RBMS1: variants seen among roughly 807,000 people sequenced by gnomAD.
RBMS1 encodes the protein RNA-binding motif, single-stranded-interacting protein 1.
A neutral mutation model predicts 62.3 loss-of-function variants in RBMS1; 17 were observed. The observed-to-expected ratio is 0.27, with a 90% CI of 0.19 to 0.41. The LOEUF is 0.41. RBMS1 is among the 10% of genes least tolerant of loss of function. RBMS1 has a pLI of 1.00. For synonymous variants in RBMS1, 172 were observed against 170.0 expected, an observed-to-expected ratio of 1.01 and a Z score of -0.09; for missense variants, 334 against 504.5, an observed-to-expected ratio of 0.66 and a Z score of 3.24.
rs539980978 is a variant in RBMS1 at position 160,355,420 on chromosome 2, G to T, written c.251+11796C>A. ...CCTGAGAGTAGATGAGAATTTCCAGGTAAGAATAAAAACAAACTCTTTCTC... is the reference window on the plus strand; with the variant it reads ...CCTGAGAGTAGATGAGAATTTCCAGTTAAGAATAAAAACAAACTCTTTCTC... On this transcript the variant is annotated intron_variant, in intron 2 of 13. Coordinates refer to ENST00000348849, the MANE Select transcript of RBMS1 (RefSeq NM_016836.4). Among the ~76,000 whole-genome samples, 6 of 152,128 alleles carry T rather than the reference G, an allele frequency of 3.9e-5. No individual in the cohort carries two copies. The South Asian group carries it at 1.0e-3, about 26-fold the overall frequency.
chr2:160,391,727 C>T (rs1694873565), intron 1 of RBMS1, among the ~76,000 whole-genome samples: 1 of 152,152 alleles, frequency 6.6e-6, no homozygotes, highest in Admixed American at 6.5e-5. Flanking sequence ...CCTGTAATCC[C>T]AGCACTTTGG....
chr2:160,367,062 A>T, intron 2 of RBMS1, 154 bp downstream of exon 2: 2 of 615,250 alleles, frequency 3.3e-6, no homozygotes, highest in Non-Finnish European at 5.2e-6. Flanking sequence ...AAAAGTATTT[A>T]AGAAGTTAAA....
chr2:160,372,929 C>T (rs555333637), intron 1 of RBMS1, among the ~76,000 whole-genome samples: 3 of 152,228 alleles, frequency 2.0e-5, no homozygotes, highest in African/African-American at 7.2e-5. Context: ...CCCCTTTACA[C>T]AGCCAGTGTG....
chr2:160,348,804 G>A (rs1692325659), intron 2 of RBMS1, among the ~76,000 whole-genome samples: 1 of 152,128 alleles, frequency 6.6e-6, no homozygotes, highest in Non-Finnish European at 1.5e-5. Flanking sequence ...CTATTGCTTT[G>A]AAAATTGACG....
intron 2 of RBMS1, among the ~76,000 whole-genome samples, chr2:160,343,365 C>T (rs939723328): frequency 6.6e-6 from 1 of 152,184 alleles, no homozygotes; most frequent in African/African-American, 2.4e-5. Context: ...AAATGACAGA[C>T]TGATTTTAGT....
At chr2:160,367,016 A>G (rs532029516) in intron 2 of RBMS1, 200 bp downstream of exon 2, 160 of 400,128 alleles carry the variant, frequency 4.0e-4, no homozygotes, top group African/African-American at 2.8e-3. Flanking sequence ...ATTCATTTTG[A>G]TATGTAGCCA....
At chr2:160,323,155 C>T in intron 2 of RBMS1, among the ~76,000 whole-genome samples, 1 of 148,770 alleles carries the variant, frequency 6.7e-6, no homozygotes, top group East Asian at 2.0e-4. Context: ...CCCCTTGCTC[C>T]TATCTGTAGC....
chr2:160,298,847 T>G (rs147405687), intron 6 of RBMS1, among the ~76,000 whole-genome samples: 166 of 152,158 alleles, frequency 1.1e-3, no homozygotes, highest in African/African-American at 3.8e-3. Flanking sequence ...GCGGTCTTCC[T>G]AAGAAAGGGA....
At chr2:160,476,269 C>T (rs1427835946) in intron 1 of RBMS1, among the ~76,000 whole-genome samples, 2 of 152,110 alleles carry the variant, frequency 1.3e-5, no homozygotes, top group Admixed American at 1.3e-4. Flanking sequence ...GACAAACTAA[C>T]TTGGTAGTGA....
chr2:160,430,469 A>G lies in RBMS1; in HGVS notation c.75+62820T>C, dbSNP rs142775581. The stretch of plus-strand genomic sequence containing the variant: ...GATCTTGGAGTGCTTAAAAACAAAT[A>G]CAAAGTTTAAGAGAGAGATGTTTCT... On this transcript the variant is annotated intron_variant, in intron 1 of 13. Transcript: ENST00000348849. Among the ~76,000 whole-genome samples the G allele has an allele frequency of 2.6e-4, 39 of 152,358 alleles. No homozygotes were observed. The East Asian group carries it at 6.7e-3, about 26-fold the overall frequency.
intron 1 of RBMS1, among the ~76,000 whole-genome samples, chr2:160,388,301 T>C (rs1031920318): frequency 5.9e-5 from 9 of 152,156 alleles, no homozygotes; most frequent in African/African-American, 2.2e-4. Flanking sequence ...TAGCCTTCAG[T>C]GAGATTCCAG....
In RBMS1 at chr2:160,284,840, T is replaced by A. The variant is rs1270590965; in HGVS notation, c.835A>T (p.Thr279Ser). The change falls in exon 9 of 14, where the codon ACA (threonine) becomes TCA (serine). Residue 279 changes from threonine to serine, a missense_variant. Thr to Ser is a moderately conservative substitution (Grantham distance 58). This residue lies in a region of RBMS1 where 182 missense variants were observed against 257.7 expected (regional missense o/e 0.71). Coordinates refer to ENST00000348849, the MANE Select transcript of RBMS1 (RefSeq NM_016836.4). Reference sequence around the variant, plus strand: ...GAAGTTTGAGTGATCATTCGGTTTGTAGCAATACTGTATGGTGAAGGATAA... The same window carrying A: ...GAAGTTTGAGTGATCATTCGGTTTGAAGCAATACTGTATGGTGAAGGATAA... ...GFYPSPYSIA[T>S]NRMITQTSIT... The A allele has an allele frequency of 2.5e-6, 4 of 1,609,094 alleles. No individual in the cohort carries two copies. The East Asian group carries it at 8.9e-5, about 36-fold the overall frequency.
chr2:160,339,441 T>C (rs1235340211), intron 2 of RBMS1, among the ~76,000 whole-genome samples: 2 of 152,284 alleles, frequency 1.3e-5, no homozygotes, highest in African/African-American at 4.8e-5. Context: ...TTGGATGTAG[T>C]TGGAAACAAA....
At chr2:160,465,106 C>A (rs1684631188) in intron 1 of RBMS1, among the ~76,000 whole-genome samples, 1 of 152,142 alleles carries the variant, frequency 6.6e-6, no homozygotes, top group Admixed American at 6.5e-5. Flanking sequence ...GACAAAAAGT[C>A]AAATAAGCTA....
intron 6 of RBMS1, among the ~76,000 whole-genome samples, chr2:160,298,013 A>G (rs77153528): frequency 0.01 from 1,581 of 152,340 alleles, 20 homozygotes; most frequent in Admixed American, 0.038. Context: ...GGCTACAGTC[A>G]GGGAGAATAC....
At chr2:160,473,983 G>GAAAGAA (rs1685028518) in intron 1 of RBMS1, among the ~76,000 whole-genome samples, 1 of 152,144 alleles carries the variant, frequency 6.6e-6, no homozygotes, top group East Asian at 1.9e-4. Context: ...GTAGAGGAAA[G>GAAAGAA]CTAGTTTTAT....
intron 6 of RBMS1, among the ~76,000 whole-genome samples, chr2:160,294,082 A>C (rs1288759737): frequency 6.6e-6 from 1 of 152,176 alleles, no homozygotes; most frequent in Non-Finnish European, 1.5e-5. Context: ...CTGGTTGGGG[A>C]CATTCCATGT....
At chr2:160,391,884 A>C (rs975226039) in intron 1 of RBMS1, among the ~76,000 whole-genome samples, 1 of 152,034 alleles carries the variant, frequency 6.6e-6, no homozygotes, top group Non-Finnish European at 1.5e-5. Flanking sequence ...AGGCTGAGGC[A>C]GGGAGGCGGA....
chr2:160,450,562 A>AG (rs1683927045), intron 1 of RBMS1, among the ~76,000 whole-genome samples: 2 of 23,840 alleles, frequency 8.4e-5, no homozygotes, highest in Non-Finnish European at 2.0e-4. Flanking sequence ...AAAATAAAAA[A>AG]TGAAAAAAAA....
Sources: gnomAD v4.1 joint callset for allele counts (sites outside exome capture counted in the v4.1 genomes callset) on GRCh38, gnomAD v4.1.1 for gene constraint, gnomAD v4.1.1 regional missense constraint, MANE v1.5 for transcripts, NCBI Gene and HGNC (gene_info 2026-07-23, HGNC 2026-07-21) for gene names.